TRIM71: variants seen among roughly 807,000 people sequenced by gnomAD.
TRIM71 encodes the protein E3 ubiquitin-protein ligase TRIM71.
TRIM71 carries 9 observed loss-of-function variants against 61.2 expected under a neutral mutation model. That is an observed-to-expected ratio of 0.15 (90% CI 0.09 to 0.26). The LOEUF (loss-of-function observed/expected upper bound fraction) is 0.26, where lower values mean the gene tolerates loss of function less well. Among genes scored for constraint, TRIM71 ranks in the 10% least tolerant of loss-of-function variants. The probability of loss-of-function intolerance (pLI) is 1.00; values close to 1 mark genes in which losing one functional copy is unlikely to be tolerated. For missense variants in TRIM71, 998 were observed against 1,238.7 expected (o/e 0.81, Z 2.92); for synonymous variants, 645 against 553.2 (o/e 1.17, Z -2.33).
In TRIM71 at chr3:32,818,489, G is replaced by C; in HGVS notation, c.409G>C (p.Ala137Pro). Residue 137 changes from alanine to proline, a missense_variant, in exon 1 of 4, where the codon GCC (alanine) becomes CCC (proline). Physicochemically the swap from Ala to Pro is conservative, Grantham distance 27. Around this residue, in one of 5 missense-constraint regions of TRIM71, gnomAD observed 527 missense variants for 427.8 expected, o/e 1.23. Coordinates refer to ENST00000383763, the MANE Select transcript of TRIM71 (RefSeq NM_001039111.3). The stretch of plus-strand genomic sequence containing the variant: ...CGAGCCGCCGCCCAAGAACGGGCGC[G>C]CCGGCGCTCCGGCGGGAGCGGGCGG... ...ADEPPPKNGR[A>P]GAPAGAGGHS... is the part of the protein sequence containing the mutation. 3 of 1,431,290 alleles carry C rather than the reference G, an allele frequency of 2.1e-6. No individual in the cohort carries two copies. The highest frequency in any genetic ancestry group is 2.7e-6 in the Non-Finnish European group (3 of 1,095,750). 88.7% of individuals were successfully genotyped at this position (1,431,290 alleles called of 1,614,324 possible).
chr3:32,878,539 CAA>C (rs1430498261), intron 2 of TRIM71, among the ~76,000 whole-genome samples: 1 of 152,174 alleles, frequency 6.6e-6, no homozygotes, highest in Non-Finnish European at 1.5e-5. Context: ...TGCTGGAACC[CAA>C]GAGGCGGAGG....
intron 2 of TRIM71, 75 bp from the exon 3 acceptor site, chr3:32,885,859 A>G (rs1696955920): frequency 2.6e-6 from 4 of 1,538,608 alleles, no homozygotes; most frequent in Admixed American, 4.0e-5. Flanking sequence ...AGTCTGACAG[A>G]GCAGATTCAA....
intron 1 of TRIM71, among the ~76,000 whole-genome samples, chr3:32,869,324 A>C (rs1696772478): frequency 6.6e-6 from 1 of 152,232 alleles, no homozygotes; most frequent in South Asian, 2.1e-4. Flanking sequence ...TAATCTTTAA[A>C]AAGTTTACAG....
chr3:32,837,821 AC>A (rs1696352192), intron 1 of TRIM71, among the ~76,000 whole-genome samples: 1 of 149,394 alleles, frequency 6.7e-6, no homozygotes. Flanking sequence ...AAGAAAAAAA[AC>A]CTCCTGAAGT....
intron 1 of TRIM71, among the ~76,000 whole-genome samples, chr3:32,835,651 C>T (rs1696327067): frequency 6.6e-6 from 1 of 152,162 alleles, no homozygotes; most frequent in East Asian, 1.9e-4. Context: ...ATTTCTCCTT[C>T]CTTCACCATC....
intron 1 of TRIM71, among the ~76,000 whole-genome samples, chr3:32,829,484 C>T (rs1696241433): frequency 1.3e-5 from 2 of 152,154 alleles, no homozygotes; most frequent in Admixed American, 1.3e-4. Context: ...GCTGTCACCA[C>T]TAATCTTTAA....
At position 32,873,888 on chromosome 3, in the gene TRIM71, G is replaced by A. The variant is rs868533477; in HGVS notation, c.923G>A (p.Gly308Asp). Residue 308 changes from glycine (G) to aspartate (D), a missense_variant, in exon 2 of 4, where the codon GGC becomes GAC. Physicochemically the swap from Gly to Asp is moderately conservative, Grantham distance 94. Transcript: ENST00000383763. Reference protein sequence around the residue: ...CRECTMGRHGGHSFIYLQEAL... With the variant: ...CRECTMGRHGDHSFIYLQEAL... ...GAGTGCACAATGGGCCGGCATGGGG[G>A]CCACAGCTTCATCTACCTCCAGGAG... is the stretch of plus-strand genomic sequence containing the variant. The A allele has an allele frequency of 6.2e-7, 1 of 1,613,948 alleles. No individual in the cohort carries two copies. Among genetic ancestry groups the A allele is most frequent in the Non-Finnish European group, 8.5e-7 (1 of 1,179,882 alleles).
intron 1 of TRIM71, among the ~76,000 whole-genome samples, chr3:32,872,285 A>T (rs1197926032): frequency 6.6e-6 from 1 of 152,226 alleles, no homozygotes; most frequent in Admixed American, 6.5e-5. Flanking sequence ...CTAGAGAACC[A>T]GTTTAACCCA....
rs749895235 is a variant in TRIM71 at position 32,891,070 on chromosome 3, C to T, written c.1866C>T (p.Val622=). 37 of 1,611,984 alleles carry T rather than the reference C, an allele frequency of 2.3e-5. No homozygotes were observed. The highest frequency in any genetic ancestry group is 6.6e-5 in the South Asian group (6 of 91,054). ...TAGACAAGGAGGGCTACATCATTGT[C>T]GCCGACCGCAGCAACAACCGCATCC... is the stretch of plus-strand genomic sequence containing the variant. ...VSVDKEGYII[V]ADRSNNRIQV... Residue 622 remains valine (V), a synonymous_variant, in exon 4 of 4, where the codon GTC becomes GTT. Coordinates refer to ENST00000383763, the MANE Select transcript of TRIM71 (RefSeq NM_001039111.3). This position sits in a 1 kb window ranked among gnomAD's most constrained non-coding sequence, Gnocchi z 8.2.
intron 1 of TRIM71, among the ~76,000 whole-genome samples, chr3:32,836,215 G>A (rs984283420): frequency 5.9e-5 from 9 of 152,150 alleles, no homozygotes; most frequent in Admixed American, 1.3e-4. Flanking sequence ...CCTTCCACCA[G>A]CCGCATTTCC....
At chr3:32,841,897 G>A (rs759098909) in intron 1 of TRIM71, among the ~76,000 whole-genome samples, 1 of 152,138 alleles carries the variant, frequency 6.6e-6, no homozygotes, top group Non-Finnish European at 1.5e-5. Context: ...TGAAACTTCT[G>A]TACTCAAGTG....
chr3:32,867,613 C>T (rs1018242162), intron 1 of TRIM71, among the ~76,000 whole-genome samples: 4 of 152,120 alleles, frequency 2.6e-5, no homozygotes, highest in Non-Finnish European at 5.9e-5. Flanking sequence ...CCAGCATCCC[C>T]AGCCAGAATC....
intron 1 of TRIM71, among the ~76,000 whole-genome samples, chr3:32,819,625 T>A (rs1434101368): frequency 6.6e-6 from 1 of 152,074 alleles, no homozygotes; most frequent in African/African-American, 2.4e-5. Flanking sequence ...TTAAAATGCG[T>A]GTTCTGGCCC....
chr3:32,873,216 G>T (rs1696817904), intron 1 of TRIM71, among the ~76,000 whole-genome samples: 1 of 152,086 alleles, frequency 6.6e-6, no homozygotes, highest in South Asian at 2.1e-4. Context: ...GCAAGGAGCT[G>T]GCTGACCTTA....
intron 1 of TRIM71, among the ~76,000 whole-genome samples, chr3:32,845,314 C>G (rs1696458996): frequency 6.6e-6 from 1 of 152,034 alleles, no homozygotes; most frequent in South Asian, 2.1e-4. Flanking sequence ...GGCTCAAACC[C>G]ACAGAAAGCT....
chr3:32,819,268 GCC>G (rs1559535085), intron 1 of TRIM71, among the ~76,000 whole-genome samples: 2 of 152,062 alleles, frequency 1.3e-5, no homozygotes, highest in Non-Finnish European at 2.9e-5. Context: ...TGTAGACGTG[GCC>G]TGCTCCTGCT....
intron 2 of TRIM71, among the ~76,000 whole-genome samples, chr3:32,881,030 T>TA (rs397767531): frequency 4.1e-5 from 6 of 147,942 alleles, no homozygotes; most frequent in African/African-American, 7.3e-5. Flanking sequence ...TATATATATA[T>TA]TTTTTTGAGG....
intron 2 of TRIM71, among the ~76,000 whole-genome samples, chr3:32,880,909 T>G (rs1221800271): frequency 6.6e-6 from 1 of 152,176 alleles, no homozygotes; most frequent in African/African-American, 2.4e-5. Context: ...TGCCATTAAT[T>G]GTAAGGTGTA....
intron 1 of TRIM71, among the ~76,000 whole-genome samples, chr3:32,828,673 T>G (rs964720204): frequency 6.6e-6 from 1 of 151,834 alleles, no homozygotes; most frequent in African/African-American, 2.4e-5. Context: ...TTAAAAAAAA[T>G]TCTTTTTGTA....
Sources: gnomAD v4.1 joint callset for allele counts (sites outside exome capture counted in the v4.1 genomes callset) on GRCh38, gnomAD v4.1.1 for gene constraint, gnomAD v4.1.1 regional missense constraint, Gnocchi (gnomAD v3.1) non-coding constraint, MANE v1.5 for transcripts, NCBI Gene and HGNC (gene_info 2026-07-23, HGNC 2026-07-21) for gene names.